The following FOXN3 variants were observed in gnomAD, a reference collection of about 807,000 sequenced individuals.
The protein encoded by FOXN3 is forkhead box protein N3.
Under a neutral mutation model 38.4 loss-of-function variants are expected in FOXN3, and 7 were observed. The ratio of observed to expected loss-of-function variants is 0.18; its 90% confidence interval spans 0.10 to 0.34. The LOEUF is 0.34. FOXN3 is among the 10% of genes least tolerant of loss of function. FOXN3 has a pLI of 1.00. For missense variants in FOXN3, 456 were observed against 613.4 expected, an observed-to-expected ratio of 0.74 and a Z score of 2.71; for synonymous variants, 230 against 242.2, an observed-to-expected ratio of 0.95 and a Z score of 0.47.
intron 4 of FOXN3, among the ~76,000 whole-genome samples, chr14:89,208,609 C>T (rs1888446073): frequency 1.3e-5 from 2 of 152,292 alleles, no homozygotes; most frequent in African/African-American, 4.8e-5. Flanking sequence ...ATTGGCCCCA[C>T]CTAGCAATAT....
chr14:89,540,212 T>C (rs1280845949), intron 1 of FOXN3, among the ~76,000 whole-genome samples: 2 of 152,120 alleles, frequency 1.3e-5, no homozygotes, highest in African/African-American at 2.4e-5. Flanking sequence ...TCTGAGCAAA[T>C]AGAGATAACA....
intron 3 of FOXN3, among the ~76,000 whole-genome samples, chr14:89,300,760 C>T (rs1236583832): frequency 1.3e-5 from 2 of 152,156 alleles, no homozygotes; most frequent in African/African-American, 4.8e-5. Context: ...TCAATTGCTA[C>T]AGTTGTATGT....
At chr14:89,189,800 G>A (rs1431887179) in intron 4 of FOXN3, among the ~76,000 whole-genome samples, 1 of 152,174 alleles carries the variant, frequency 6.6e-6, no homozygotes, top group Admixed American at 6.5e-5. Context: ...GGTGAGGATG[G>A]GAGTCCTGCT....
chr14:89,459,908 G>T (rs565188838), intron 1 of FOXN3, among the ~76,000 whole-genome samples: 1 of 152,250 alleles, frequency 6.6e-6, no homozygotes, highest in African/African-American at 2.4e-5. Context: ...TGCGTGGGAT[G>T]ATAACAGCTT....
At chr14:89,532,398 G>T (rs1221764719) in intron 1 of FOXN3, among the ~76,000 whole-genome samples, 3 of 152,108 alleles carry the variant, frequency 2.0e-5, no homozygotes, top group African/African-American at 7.2e-5. Context: ...TGTTGACAAG[G>T]TACAATATAT....
chr14:89,254,229 G>A (rs1339975803), intron 4 of FOXN3, among the ~76,000 whole-genome samples: 7 of 152,298 alleles, frequency 4.6e-5, no homozygotes, highest in South Asian at 2.1e-4. Context: ...GAGGCTCTGC[G>A]CATAGTAGAA....
rs759836629 is a variant in FOXN3, at chr14:89,180,695, A to G, written c.851+6T>C. 1.9e-5 allele frequency: 31 copies of G among 1,599,492 alleles called. 1 individual carries two copies. The highest frequency in any genetic ancestry group is 1.8e-4 in the Middle Eastern group (1 of 5,562). On this transcript the variant is annotated splice_donor_region_variant and intron_variant, in intron 5 of 5. Coordinates refer to ENST00000557258, the MANE Select transcript of FOXN3 (RefSeq NM_005197.4). ...GCTGGCTCTGCCCAGCGCACTCCCC[A>G]CTTACCTCATGGCCGCTGTCACCCC...
intron 4 of FOXN3, among the ~76,000 whole-genome samples, chr14:89,221,826 C>CT (rs760636778): frequency 2.6e-3 from 383 of 144,688 alleles, no homozygotes; most frequent in Middle Eastern, 7.0e-3. Flanking sequence ...TCTATATAAT[C>CT]TTTTTTTTTT....
At chr14:89,538,309 G>T (rs34219280) in intron 1 of FOXN3, among the ~76,000 whole-genome samples, 1 of 152,138 alleles carries the variant, frequency 6.6e-6, no homozygotes, top group African/African-American at 2.4e-5. Flanking sequence ...TACCCAGAGC[G>T]CACAGATGGC....
chr14:89,334,641 C>T (rs1007270064), intron 3 of FOXN3, among the ~76,000 whole-genome samples: 3 of 95,000 alleles, frequency 3.2e-5, no homozygotes, highest in African/African-American at 8.7e-5. Flanking sequence ...AATAAAAGCC[C>T]TAGAGACCTA....
At chr14:89,424,713 CAAA>C (rs60485648) in intron 1 of FOXN3, among the ~76,000 whole-genome samples, 1 of 91,768 alleles carries the variant, frequency 1.1e-5, no homozygotes. Context: ...TATGACTCTA[CAAA>C]AAAAAAAAAA....
intron 2 of FOXN3, among the ~76,000 whole-genome samples, chr14:89,406,327 G>A (rs1160096786): frequency 1.3e-5 from 2 of 152,114 alleles, no homozygotes; most frequent in African/African-American, 2.4e-5. Flanking sequence ...GGCTGAGTCA[G>A]GAGGATCACT....
intron 1 of FOXN3, among the ~76,000 whole-genome samples, chr14:89,524,351 G>A (rs1332365833): frequency 1.1e-5 from 1 of 94,254 alleles, no homozygotes; most frequent in Non-Finnish European, 1.9e-5. Context: ...CTCCAGCCTG[G>A]CGACAGCAAG....
rs202079483 is a variant in FOXN3 at position 89,204,782 on chromosome 14, G to C, written c.746-23976C>G. On this transcript the variant is annotated intron_variant, in intron 4 of 5. Coordinates refer to ENST00000557258, the MANE Select transcript of FOXN3 (RefSeq NM_005197.4). The stretch of plus-strand genomic sequence containing the variant: ...TAGTGCATATTCAATTTGATACAAA[G>C]AGACATAGGCTCCATCCATCCATCC... Among the ~76,000 whole-genome samples, 5 of 150,904 alleles carry C rather than the reference G, an allele frequency of 3.3e-5. No homozygotes were observed. In the East Asian group the frequency reaches 9.7e-4, roughly 29 times the overall value.
At chr14:89,558,377 G>A (rs1180134452) in intron 1 of FOXN3, among the ~76,000 whole-genome samples, 6 of 152,124 alleles carry the variant, frequency 3.9e-5, no homozygotes, top group East Asian at 1.9e-4. Context: ...TGCAGACATC[G>A]AAGGTGACAG....
intron 1 of FOXN3, among the ~76,000 whole-genome samples, chr14:89,525,631 T>TAAAAA (rs55848557): frequency 2.4e-5 from 3 of 123,894 alleles, no homozygotes; most frequent in Non-Finnish European, 3.5e-5. Context: ...TTGTTTTCAC[T>TAAAAA]AAAAAAAAAA....
intron 1 of FOXN3, among the ~76,000 whole-genome samples, chr14:89,555,882 G>GTGTGTGTGTGTGGGT (rs58769284): frequency 9.6e-6 from 1 of 104,602 alleles, no homozygotes; most frequent in African/African-American, 3.2e-5. Flanking sequence ...TGTGTATGTG[G>GTGTGTGTGTGTGGGT]GGGTGTATGT....
chr14:89,479,915 C>A (rs1893287956), intron 1 of FOXN3, among the ~76,000 whole-genome samples: 2 of 152,142 alleles, frequency 1.3e-5, no homozygotes, highest in African/African-American at 4.8e-5. Flanking sequence ...TGAGTCAGTC[C>A]TTCAGAAAGT....
intron 1 of FOXN3, among the ~76,000 whole-genome samples, chr14:89,444,859 G>A (rs28396221): frequency 0.022 from 3,381 of 152,238 alleles, 37 homozygotes; most frequent in Middle Eastern, 0.037. Flanking sequence ...AGTGGCTCAC[G>A]CCTATAGTCC....
Sources: gnomAD v4.1 joint callset for allele counts (sites outside exome capture counted in the v4.1 genomes callset) on GRCh38, gnomAD v4.1.1 for gene constraint, MANE v1.5 for transcripts, NCBI Gene and HGNC (gene_info 2026-07-23, HGNC 2026-07-21) for gene names.